The following DLG2 variants were observed in gnomAD, a reference collection of about 807,000 sequenced individuals.
The protein encoded by DLG2 is discs large MAGUK scaffold protein 2.
A neutral mutation model predicts 132.5 loss-of-function variants in DLG2; 45 were observed. The observed-to-expected ratio is 0.34, with a 90% confidence interval of 0.27 to 0.44. DLG2 has a LOEUF of 0.44. Among genes scored for constraint, DLG2 ranks in the 20% least tolerant of loss-of-function variants. The pLI, the probability that DLG2 is intolerant of heterozygous loss-of-function variation, is 1.00. For synonymous variants in DLG2, 424 were observed against 419.6 expected (o/e 1.01, Z -0.13); for missense variants, 1,045 against 1,196.9 (o/e 0.87, Z 1.87).
chr11:84,201,203 C>T (rs1156333686), intron 8 of DLG2, among the ~76,000 whole-genome samples: 2 of 152,088 alleles, frequency 1.3e-5, no homozygotes, highest in East Asian at 3.9e-4. Context: ...TTGAGATAAT[C>T]ATGTGGTTTT....
chr11:84,292,239 C>T (rs530872414), intron 7 of DLG2, among the ~76,000 whole-genome samples: 14 of 152,186 alleles, frequency 9.2e-5, no homozygotes, highest in Non-Finnish European at 1.8e-4. Flanking sequence ...CTCAGAGTAA[C>T]GACATATGTG....
At chr11:84,947,595 C>T (rs984003163) in intron 6 of DLG2, among the ~76,000 whole-genome samples, 2 of 152,208 alleles carry the variant, frequency 1.3e-5, no homozygotes, top group East Asian at 1.9e-4. Context: ...CACCCTTACC[C>T]ACTTTTGAGT....
intron 6 of DLG2, among the ~76,000 whole-genome samples, chr11:84,811,712 C>A (rs1402927040): frequency 1.3e-5 from 2 of 152,124 alleles, no homozygotes; most frequent in African/African-American, 4.8e-5. Context: ...TTTATATATC[C>A]ATTTATTTAT....
chr11:84,745,450 TG>T (rs1362808918), intron 6 of DLG2, among the ~76,000 whole-genome samples: 5 of 152,200 alleles, frequency 3.3e-5, no homozygotes, highest in African/African-American at 1.2e-4. Flanking sequence ...GTAAGTTTTC[TG>T]AGGCCTCTCC....
At chr11:84,253,057 C>G (rs958971012) in intron 7 of DLG2, among the ~76,000 whole-genome samples, 1 of 152,026 alleles carries the variant, frequency 6.6e-6, no homozygotes, top group Non-Finnish European at 1.5e-5. Flanking sequence ...CCTTGGCATA[C>G]ATATGTATAT....
At chr11:85,054,698 T>C (rs1297584952) in intron 6 of DLG2, among the ~76,000 whole-genome samples, 2 of 152,132 alleles carry the variant, frequency 1.3e-5, no homozygotes, top group East Asian at 3.9e-4. Context: ...AAAAACAAAA[T>C]CATGTCCTTT....
At chr11:85,216,749 T>A (rs1373798589) in intron 4 of DLG2, among the ~76,000 whole-genome samples, 1 of 151,732 alleles carries the variant, frequency 6.6e-6, no homozygotes, top group African/African-American at 2.4e-5. Flanking sequence ...CAGGCTGGAG[T>A]GCAGTGGCTG....
chr11:85,422,803 A>G (rs558370426), intron 3 of DLG2, among the ~76,000 whole-genome samples: 13 of 151,702 alleles, frequency 8.6e-5, no homozygotes, highest in Middle Eastern at 3.4e-3. Flanking sequence ...ATTGGTTTTT[A>G]TTTCTGCTAT....
rs77928917 is a variant in DLG2 at position 83,545,306 on chromosome 11, T to G, written c.1941-3448A>C. On this transcript the variant is annotated intron_variant, in intron 19 of 27. Transcript: ENST00000376104. ...TGAGGATTAAATGAAATAATATATG[T>G]AAAGTATTGTAACACTAGCCTGGCA... 6.0e-3 allele frequency among the ~76,000 whole-genome samples: 907 copies of G among 152,276 alleles called. 9 individuals carry two copies. The highest frequency in any genetic ancestry group is 0.021 in the African/African-American group (878 of 41,560).
At chr11:83,922,805 C>T (rs2078195829) in intron 15 of DLG2, among the ~76,000 whole-genome samples, 1 of 152,068 alleles carries the variant, frequency 6.6e-6, no homozygotes, top group Admixed American at 6.6e-5. Flanking sequence ...TCAAAACACA[C>T]ACTTTGCAAA....
intron 3 of DLG2, among the ~76,000 whole-genome samples, chr11:85,472,009 A>T (rs1400627011): frequency 6.6e-6 from 1 of 152,194 alleles, no homozygotes; most frequent in Non-Finnish European, 1.5e-5. Context: ...AGGCAGACAA[A>T]TTCCTAGGCA....
chr11:83,993,627 T>A (rs969215019), intron 11 of DLG2, among the ~76,000 whole-genome samples: 1 of 152,184 alleles, frequency 6.6e-6, no homozygotes, highest in South Asian at 2.1e-4. Context: ...GTCCTACTTG[T>A]TTATGGACTA....
At chr11:84,251,443 C>T (rs2097370563) in intron 7 of DLG2, 152 bp from the exon 8 acceptor site, 3 of 508,160 alleles carry the variant, frequency 5.9e-6, no homozygotes, top group South Asian at 3.9e-5. Context: ...AATAAAATGA[C>T]TAAGAGTTTC....
chr11:83,678,402 C>A (rs1344616450), intron 18 of DLG2, among the ~76,000 whole-genome samples: 1 of 152,176 alleles, frequency 6.6e-6, no homozygotes, highest in Non-Finnish European at 1.5e-5. Context: ...AGCTCCCAGT[C>A]CTGGGCTAGC....
intron 17 of DLG2, among the ~76,000 whole-genome samples, chr11:83,804,165 T>A (rs1416342813): frequency 6.6e-6 from 1 of 152,228 alleles, no homozygotes; most frequent in Admixed American, 6.5e-5. Context: ...ATTACTTTCA[T>A]CAAATCTTCC....
At chr11:85,597,982 A>G (rs1392937518) in intron 3 of DLG2, among the ~76,000 whole-genome samples, 1 of 150,490 alleles carries the variant, frequency 6.6e-6, no homozygotes, top group Non-Finnish European at 1.5e-5. Context: ...ATTAAAAGCT[A>G]TTTGCACAAA....
intron 8 of DLG2, among the ~76,000 whole-genome samples, chr11:84,184,925 T>C (rs1391005311): frequency 2.0e-5 from 3 of 152,190 alleles, no homozygotes; most frequent in African/African-American, 7.2e-5. Context: ...GTTCCATTCG[T>C]CTATATCTCT....
In DLG2 at chr11:85,268,981, T is replaced by C. The variant is rs542448894; in HGVS notation, c.186+16239A>G. Among the ~76,000 whole-genome samples, 3 of 152,342 alleles carry C rather than the reference T, an allele frequency of 2.0e-5. No homozygotes were observed. The South Asian group carries it at 6.2e-4, about 32-fold the overall frequency. ...TGAGAGAATTTTCTAAGTACTAGAA[T>C]GTGTCATAATAGAAATAGTAAGCTC... On this transcript the variant is annotated intron_variant, in intron 4 of 27. Coordinates refer to ENST00000376104, the MANE Select transcript of DLG2 (RefSeq NM_001142699.3).
At chr11:84,848,130 T>C (rs1026152319) in intron 6 of DLG2, among the ~76,000 whole-genome samples, 1 of 152,108 alleles carries the variant, frequency 6.6e-6, no homozygotes, top group Non-Finnish European at 1.5e-5. Context: ...TATTCTCTAA[T>C]CAACATGCAT....
Sources: gnomAD v4.1 joint callset for allele counts (sites outside exome capture counted in the v4.1 genomes callset) on GRCh38, gnomAD v4.1.1 for gene constraint, MANE v1.5 for transcripts, NCBI Gene and HGNC (gene_info 2026-07-23, HGNC 2026-07-21) for gene names.